Variants in KCTD16 observed in about 807,000 individuals in gnomAD.
KCTD16 encodes the protein potassium channel tetramerization domain containing 16.
A neutral mutation model predicts 33.2 loss-of-function variants in KCTD16; 13 were observed. The observed-to-expected ratio is 0.39, with a 90% CI of 0.25 to 0.62. The LOEUF (loss-of-function observed/expected upper bound fraction) is 0.62, where lower values mean the gene tolerates loss of function less well. Among genes scored for constraint, KCTD16 ranks in the 20% least tolerant of loss-of-function variants. The pLI is 0.50. For synonymous variants in KCTD16, 197 were observed against 195.3 expected (o/e 1.01, Z -0.07); for missense variants, 441 against 525.1 (o/e 0.84, Z 1.57).
At chr5:144,246,825 T>A (rs1554082766) in intron 3 of KCTD16, among the ~76,000 whole-genome samples, 3 of 152,146 alleles carry the variant, frequency 2.0e-5, no homozygotes, top group Non-Finnish European at 4.4e-5. Context: ...GTGTCATTCC[T>A]CCAACTCCCA....
At chr5:144,290,600 T>C (rs546668101) in intron 3 of KCTD16, among the ~76,000 whole-genome samples, 4 of 152,348 alleles carry the variant, frequency 2.6e-5, no homozygotes, top group African/African-American at 9.6e-5. Flanking sequence ...TGCTCTTCTA[T>C]ATCAATAAGA....
intron 3 of KCTD16, among the ~76,000 whole-genome samples, chr5:144,246,748 C>CCTT (rs1167018317): frequency 6.6e-6 from 1 of 152,160 alleles, no homozygotes; most frequent in Non-Finnish European, 1.5e-5. Flanking sequence ...TCCTCCTCCT[C>CCTT]CTTCTTCTTC....
intron 3 of KCTD16, among the ~76,000 whole-genome samples, chr5:144,393,888 C>T (rs1044636700): frequency 6.6e-6 from 1 of 151,340 alleles, no homozygotes; most frequent in Non-Finnish European, 1.5e-5. Context: ...GTTTAAAGCT[C>T]TCTAACAGGC....
intron 3 of KCTD16, among the ~76,000 whole-genome samples, chr5:144,229,281 G>T (rs1380807165): frequency 6.6e-6 from 1 of 152,074 alleles, no homozygotes; most frequent in East Asian, 1.9e-4. Flanking sequence ...TGAAGGAGAG[G>T]GGGGACAATG....
At chr5:144,354,813 A>T (rs1361955182) in intron 3 of KCTD16, among the ~76,000 whole-genome samples, 1 of 152,204 alleles carries the variant, frequency 6.6e-6, no homozygotes, top group East Asian at 1.9e-4. Context: ...TATGAGACAT[A>T]CAAATCAGTA....
At chr5:144,336,650 T>C (rs1752501177) in intron 3 of KCTD16, among the ~76,000 whole-genome samples, 1 of 152,194 alleles carries the variant, frequency 6.6e-6, no homozygotes, top group Non-Finnish European at 1.5e-5. Context: ...GTTTCAACAG[T>C]AGGCACTTGG....
At chr5:144,386,604 T>C (rs573654991) in intron 3 of KCTD16, among the ~76,000 whole-genome samples, 12 of 152,326 alleles carry the variant, frequency 7.9e-5, no homozygotes, top group African/African-American at 2.4e-4. Flanking sequence ...CAAATATGTA[T>C]GTCTGCAATG....
At chr5:144,219,164 T>C (rs909655132) in intron 3 of KCTD16, among the ~76,000 whole-genome samples, 1 of 152,192 alleles carries the variant, frequency 6.6e-6, no homozygotes, top group African/African-American at 2.4e-5. Flanking sequence ...CTTGTTAGCT[T>C]TGTTTTCATC....
intron 3 of KCTD16, among the ~76,000 whole-genome samples, chr5:144,280,225 G>C (rs947863878): frequency 3.3e-5 from 5 of 152,078 alleles, no homozygotes; most frequent in African/African-American, 1.2e-4. Context: ...TTTTCTGGAA[G>C]AGATTGTAAG....
chr5:144,273,360 C>G (rs1755353298), intron 3 of KCTD16, among the ~76,000 whole-genome samples: 1 of 152,138 alleles, frequency 6.6e-6, no homozygotes, highest in South Asian at 2.1e-4. Context: ...AACTGAAACC[C>G]TGTGCACTGT....
At chr5:144,171,539 C>G (rs1342510311) in intron 1 of KCTD16, among the ~76,000 whole-genome samples, 2 of 152,184 alleles carry the variant, frequency 1.3e-5, no homozygotes, top group African/African-American at 4.8e-5. Flanking sequence ...CATCCCTAAT[C>G]TCTAGCCATT....
At position 144,254,003 on chromosome 5, in the gene KCTD16, G is replaced by A. The variant is rs532054256; in HGVS notation, c.832+46457G>A. On this transcript the variant is annotated intron_variant, in intron 3 of 3. Transcript: ENST00000512467. ...ATGTTGACTCCCGCATGGGACTTGG[G>A]AAAGAAGTAGGCAGCTGATTATGAG... 5.9e-5 allele frequency among the ~76,000 whole-genome samples: 9 copies of A among 152,298 alleles called. No individual in the cohort carries two copies. The South Asian group carries it at 1.7e-3, about 28-fold the overall frequency.
At chr5:144,435,266 A>G (rs547665039) in intron 3 of KCTD16, among the ~76,000 whole-genome samples, 2 of 152,316 alleles carry the variant, frequency 1.3e-5, no homozygotes, top group African/African-American at 4.8e-5. Context: ...TTGTTTATCT[A>G]TAAATCAAAG....
intron 3 of KCTD16, among the ~76,000 whole-genome samples, chr5:144,288,575 A>C (rs757380970): frequency 1.3e-5 from 2 of 152,198 alleles, no homozygotes; most frequent in African/African-American, 2.4e-5. Flanking sequence ...CTTGTCCTTG[A>C]ATCTAGGTGA....
chr5:144,288,309 C>G (rs2126860142), intron 3 of KCTD16, among the ~76,000 whole-genome samples: 2 of 152,282 alleles, frequency 1.3e-5, no homozygotes, highest in Middle Eastern at 6.8e-3. Context: ...ATTTGCAAAA[C>G]TGTGAATAGG....
At chr5:144,176,743 A>T (rs912594244) in intron 2 of KCTD16, among the ~76,000 whole-genome samples, 4 of 152,216 alleles carry the variant, frequency 2.6e-5, no homozygotes, top group African/African-American at 9.6e-5. Context: ...GTCAGATTTT[A>T]TTATACTCAA....
At chr5:144,259,863 T>C (rs1310341944) in intron 3 of KCTD16, among the ~76,000 whole-genome samples, 1 of 152,228 alleles carries the variant, frequency 6.6e-6, no homozygotes, top group Non-Finnish European at 1.5e-5. Context: ...ATTTTCTTTA[T>C]AGTACCTTAG....
chr5:144,323,019 C>G (rs1320461369), intron 3 of KCTD16, among the ~76,000 whole-genome samples: 1 of 152,158 alleles, frequency 6.6e-6, no homozygotes, highest in Admixed American at 6.5e-5. Flanking sequence ...ATTCACACCT[C>G]ATCAACTCCT....
At chr5:144,277,563 C>G (rs1755472315) in intron 3 of KCTD16, among the ~76,000 whole-genome samples, 1 of 152,176 alleles carries the variant, frequency 6.6e-6, no homozygotes, top group Non-Finnish European at 1.5e-5. Context: ...AATCACTTAG[C>G]AAGACAGTGG....
Sources: gnomAD v4.1 joint callset for allele counts (sites outside exome capture counted in the v4.1 genomes callset) on GRCh38, gnomAD v4.1.1 for gene constraint, MANE v1.5 for transcripts, NCBI Gene and HGNC (gene_info 2026-07-23, HGNC 2026-07-21) for gene names.